The following SOX6 variants were observed in gnomAD, a reference collection of about 807,000 sequenced individuals.
The protein encoded by SOX6 is SRY-box transcription factor 6, also known as transcription factor SOX-6.
SOX6 carries 11 observed loss-of-function variants against 97.8 expected under a neutral mutation model. The observed-to-expected ratio is 0.11, with a 90% CI of 0.07 to 0.19. The LOEUF (loss-of-function observed/expected upper bound fraction) is 0.19. SOX6 is among the 10% of genes least tolerant of loss of function. The probability of loss-of-function intolerance (pLI) is 1.00; values close to 1 mark genes in which losing one functional copy is unlikely to be tolerated. For synonymous variants in SOX6, 360 were observed against 371.4 expected (o/e 0.97, Z 0.35); for missense variants, 810 against 1,039.5 (o/e 0.78, Z 3.04).
intron 3 of SOX6, among the ~76,000 whole-genome samples, chr11:16,253,435 T>A (rs1853579043): frequency 6.6e-6 from 1 of 152,048 alleles, no homozygotes; most frequent in Admixed American, 6.6e-5. Context: ...TGGACCAAAT[T>A]TTTAAAATAT....
chr11:16,035,549 T>A (rs992504199), intron 12 of SOX6, among the ~76,000 whole-genome samples: 8 of 152,158 alleles, frequency 5.3e-5, no homozygotes, highest in Non-Finnish European at 1.0e-4. Flanking sequence ...ATTATCCACC[T>A]CACCTATTAC....
intron 6 of SOX6, among the ~76,000 whole-genome samples, chr11:16,167,145 C>T (rs2134078243): frequency 6.6e-6 from 1 of 152,270 alleles, no homozygotes; most frequent in South Asian, 2.1e-4. Flanking sequence ...GATATTCTCC[C>T]TCCAACTTCC....
At chr11:16,203,188 G>T (rs1851985374) in intron 4 of SOX6, among the ~76,000 whole-genome samples, 1 of 152,048 alleles carries the variant, frequency 6.6e-6, no homozygotes, top group Non-Finnish European at 1.5e-5. Flanking sequence ...TATAGGTTTG[G>T]TGCCCTTCAG....
chr11:16,599,162 C>T (rs979118073), intron 4 of SOX6, among the ~76,000 whole-genome samples: 5 of 152,086 alleles, frequency 3.3e-5, no homozygotes, highest in Non-Finnish European at 7.4e-5. Flanking sequence ...TCACGTTAGG[C>T]TTCTTCAATA....
At chr11:16,361,706 G>A (rs1365656236) in intron 1 of SOX6, among the ~76,000 whole-genome samples, 1 of 152,144 alleles carries the variant, frequency 6.6e-6, no homozygotes, top group Admixed American at 6.5e-5. Flanking sequence ...ACACACAACA[G>A]CTGTTTAGGG....
At chr11:15,995,312 A>G (rs1167374635) in intron 13 of SOX6, among the ~76,000 whole-genome samples, 2 of 152,152 alleles carry the variant, frequency 1.3e-5, no homozygotes, top group Non-Finnish European at 2.9e-5. Flanking sequence ...ATATGCCAGG[A>G]CTAAGGATTT....
intron 6 of SOX6, among the ~76,000 whole-genome samples, chr11:16,133,349 T>C (rs1167232050): frequency 6.6e-6 from 1 of 152,158 alleles, no homozygotes; most frequent in Non-Finnish European, 1.5e-5. Context: ...GAATACATTT[T>C]GGGGTGGTAG....
At chr11:16,238,184 G>A (rs1209321723) in intron 3 of SOX6, among the ~76,000 whole-genome samples, 1 of 151,900 alleles carries the variant, frequency 6.6e-6, no homozygotes, top group South Asian at 2.1e-4. Context: ...CTGGACTTCA[G>A]TTCTCACCTA....
intron 4 of SOX6, among the ~76,000 whole-genome samples, chr11:16,231,340 A>G (rs1852844279): frequency 6.6e-6 from 1 of 151,794 alleles, no homozygotes; most frequent in Non-Finnish European, 1.5e-5. Context: ...ATACATATGC[A>G]GTTCACAAAG....
chr11:16,547,054 A>G (rs1189523440), intron 4 of SOX6, among the ~76,000 whole-genome samples: 1 of 152,212 alleles, frequency 6.6e-6, no homozygotes, highest in East Asian at 1.9e-4. Flanking sequence ...AATCAAAACC[A>G]CAATGAGATA....
chr11:16,381,457 G>T (rs1857818112), intron 1 of SOX6, among the ~76,000 whole-genome samples: 1 of 151,924 alleles, frequency 6.6e-6, no homozygotes, highest in Non-Finnish European at 1.5e-5. Context: ...ATCTATAAAT[G>T]GCTCAGCCTG....
At chr11:16,640,170 T>G (rs967738430) in intron 3 of SOX6, among the ~76,000 whole-genome samples, 1 of 152,218 alleles carries the variant, frequency 6.6e-6, no homozygotes, top group Non-Finnish European at 1.5e-5. Context: ...GAGATTATCA[T>G]GTGGTTTTTG....
intron 5 of SOX6, among the ~76,000 whole-genome samples, chr11:16,185,675 G>A (rs776304374): frequency 3.9e-5 from 6 of 152,120 alleles, no homozygotes; most frequent in East Asian, 1.9e-4. Flanking sequence ...GATATCACTC[G>A]TCTGCAAATG....
intron 3 of SOX6, among the ~76,000 whole-genome samples, chr11:16,304,124 C>G (rs978571943): frequency 1.3e-5 from 2 of 152,096 alleles, no homozygotes; most frequent in African/African-American, 4.8e-5. Context: ...CCATGTTGGC[C>G]AAGCTGGTCT....
intron 4 of SOX6, among the ~76,000 whole-genome samples, chr11:16,200,931 C>A (rs902611346): frequency 6.6e-6 from 1 of 151,864 alleles, no homozygotes; most frequent in Admixed American, 6.6e-5. Context: ...CATGTTGAAA[C>A]TCTGTCTCTA....
chr11:16,471,432 T>A, intron 1 of SOX6, among the ~76,000 whole-genome samples: 1 of 145,666 alleles, frequency 6.9e-6, no homozygotes, highest in Non-Finnish European at 1.5e-5. Context: ...CAAAACAATA[T>A]CCCACCTTCC....
intron 4 of SOX6, among the ~76,000 whole-genome samples, chr11:16,216,998 T>C (rs897722112): frequency 1.3e-5 from 2 of 152,286 alleles, no homozygotes; most frequent in East Asian, 1.9e-4. Flanking sequence ...AAAACTATGA[T>C]TGGAAAAACA....
At chr11:16,240,098 C>A (rs183526463) in intron 3 of SOX6, among the ~76,000 whole-genome samples, 1 of 152,008 alleles carries the variant, frequency 6.6e-6, no homozygotes, top group African/African-American at 2.4e-5. Flanking sequence ...TAAATTAGAA[C>A]CATTATAAAC....
chr11:16,383,240 G>A (rs1857881974), intron 1 of SOX6, among the ~76,000 whole-genome samples: 1 of 151,830 alleles, frequency 6.6e-6, no homozygotes, highest in African/African-American at 2.4e-5. Context: ...TCACTACATT[G>A]CTCCATAGAT....
Sources: allele counts gnomAD v4.1 joint callset (sites outside exome capture counted in the v4.1 genomes callset), GRCh38; gene constraint gnomAD v4.1.1; transcripts MANE v1.5; gene names NCBI Gene and HGNC (gene_info 2026-07-23, HGNC 2026-07-21).